The following RGS7 variants were observed in gnomAD, a reference collection of about 807,000 sequenced individuals.
RGS7 encodes regulator of G protein signaling 7, also known as regulator of G-protein signaling 7.
A neutral mutation model predicts 81.1 loss-of-function variants in RGS7; 27 were observed. That is an observed-to-expected ratio of 0.33 (90% confidence interval 0.25 to 0.46). The LOEUF (loss-of-function observed/expected upper bound fraction) is 0.46, where lower values mean the gene tolerates loss of function less well. Ranked by LOEUF, RGS7 falls within the 20% of genes least tolerant of loss-of-function variation. RGS7 has a pLI of 1.00. For synonymous variants in RGS7, 208 were observed against 207.7 expected (o/e 1.00, Z -0.01); for missense variants, 396 against 607.4 (o/e 0.65, Z 3.66).
rs188105394 is a variant in RGS7, at chr1:241,234,613, G to A, written c.78+121086C>T. On this transcript the variant is annotated intron_variant, in intron 2 of 18. Transcript: ENST00000440928. ...CACATGGGGCAAAGCAACAATAGGAGGGGAGCCTGGGTCTCCATATCCCAC... is the reference window on the plus strand; with the variant it reads ...CACATGGGGCAAAGCAACAATAGGAAGGGAGCCTGGGTCTCCATATCCCAC... Among the ~76,000 whole-genome samples the A allele has an allele frequency of 3.0e-3, 454 of 152,182 alleles. 6 individuals carry two copies. Among genetic ancestry groups the A allele is most frequent in the Middle Eastern group, 0.014 (4 of 294 alleles).
At chr1:240,903,191 T>C (rs897645810) in intron 6 of RGS7, among the ~76,000 whole-genome samples, 4 of 152,100 alleles carry the variant, frequency 2.6e-5, no homozygotes, top group African/African-American at 7.2e-5. Flanking sequence ...GAAACAAATA[T>C]ATCAAAGTAG....
chr1:241,042,998 A>T (rs2060706245), intron 3 of RGS7, among the ~76,000 whole-genome samples: 1 of 151,662 alleles, frequency 6.6e-6, no homozygotes, highest in South Asian at 2.1e-4. Flanking sequence ...TCCTAGTGTA[A>T]TTATTATTAC....
In RGS7 at chr1:240,993,234, GAGAAAGAAAGAGAGGAA is replaced by G. The variant is rs1686772911; in HGVS notation, c.176-10122_176-10106del. On this transcript the variant is annotated intron_variant, in intron 3 of 18. Transcript: ENST00000440928. Reference sequence around the variant, plus strand: ...AAAAGAAAGGAAGGAAGGAAAGAAGGAGAAAGAAAGAGAGGAAAGAAAGAAAGAAAGAAAAAGAAAGA... The same window carrying G: ...AAAAGAAAGGAAGGAAGGAAAGAAGGAGAAAGAAAGAAAGAAAAAGAAAGA... Among the ~76,000 whole-genome samples the G allele has an allele frequency of 2.0e-5, 3 of 149,048 alleles. No individual in the cohort carries two copies. The South Asian group carries it at 6.5e-4, about 32-fold the overall frequency.
At position 240,813,804 on chromosome 1, in the gene RGS7, T is replaced by TA. The variant is rs1309858707; in HGVS notation, c.846-77dup. On this transcript the variant is annotated intron_variant, in intron 12 of 18. Transcript: ENST00000440928. ...AGCCAGTCCAAAGCAGGGAAAACAA[T>TA]ATAAAAATGTGGGACCAAGGAATCC... 109 of 913,124 alleles carry TA rather than the reference T, an allele frequency of 1.2e-4. No individual in the cohort carries two copies. In the African/African-American group the frequency reaches 1.7e-3, roughly 14 times the overall value. 56.6% of individuals were successfully genotyped at this position (913,124 alleles called of 1,614,324 possible). A position where few individuals can be genotyped will look rare whatever the true frequency, so the allele number is the denominator to read the frequency against.
Position 241,163,165 on chromosome 1 carries a change from G to C in RGS7, c.79-64403C>G, listed in dbSNP as rs1043356899. Among the ~76,000 whole-genome samples, 2 of 152,128 alleles carry C rather than the reference G, an allele frequency of 1.3e-5. No homozygotes were observed. The highest frequency in any genetic ancestry group is 2.4e-5 in the African/African-American group (1 of 41,424). ...AAAAGGTCAGAAAGGGGGTTCATTC[G>C]AGGGAGCCAGGAAACGGGGCCTGAA... On this transcript the variant is annotated intron_variant, in intron 2 of 18. Transcript: ENST00000440928. The surrounding 1 kb of genome is among the most constrained non-coding windows in gnomAD (Gnocchi z 4.6).
rs190305774 is a variant in RGS7 at position 241,284,963 on chromosome 1, C to T, written c.78+70736G>A. On this transcript the variant is annotated intron_variant, in intron 2 of 18. Transcript: ENST00000440928. ...TCAGCTCAGTGCAAGCTCCGCCTCC[C>T]GGGTTCACATCATTCTCCTGCCTCA... 1.7e-4 allele frequency among the ~76,000 whole-genome samples: 26 copies of T among 152,220 alleles called. No individual in the cohort carries two copies. In the East Asian group the frequency reaches 1.9e-3, roughly 11 times the overall value.
chr1:241,271,884 C>CGTGTGT lies in RGS7; in HGVS notation c.78+83809_78+83814dup, dbSNP rs373357799. ...AATCACACAAGCCAAATCTTTATAA[C>CGTGTGT]GTGTGTGTGTGTGTGTGTGTGTGTG... On this transcript the variant is annotated intron_variant, in intron 2 of 18. Coordinates refer to ENST00000440928, the MANE Select transcript of RGS7 (RefSeq NM_001364886.1). This position sits in a 1 kb window ranked among gnomAD's most constrained non-coding sequence, Gnocchi z 4.6. Among the ~76,000 whole-genome samples, 112 of 140,470 alleles carry CGTGTGT rather than the reference C, an allele frequency of 8.0e-4. No individual in the cohort carries two copies. The highest frequency in any genetic ancestry group is 1.6e-3 in the African/African-American group (59 of 37,078). The allele number at this position is 140,470 out of a possible 152,430, so 92.2% of individuals were successfully genotyped here. A position where few individuals can be genotyped will look rare whatever the true frequency, so the allele number is the denominator to read the frequency against.
intron 10 of RGS7, among the ~76,000 whole-genome samples, chr1:240,826,094 T>G (rs556925167): frequency 6.6e-6 from 1 of 152,192 alleles, no homozygotes; most frequent in Non-Finnish European, 1.5e-5. Context: ...GCAATTAAGT[T>G]GGGCCAGCCA....
rs377714550 is a variant in RGS7 at position 240,922,734 on chromosome 1, T to G, written c.385+7983A>C. Among the ~76,000 whole-genome samples, 22 of 152,244 alleles carry G rather than the reference T, an allele frequency of 1.4e-4. 1 individual carries two copies. Among genetic ancestry groups the G allele is most frequent in the South Asian group, 8.3e-4 (4 of 4,832 alleles). On this transcript the variant is annotated intron_variant, in intron 6 of 18. Transcript: ENST00000440928. ...AAAACACTAAATGCTGGTAAGGATG[T>G]GGAGCAACAGGAACTTGCATTCATT...
intron 7 of RGS7, 83 bp downstream of exon 7, chr1:240,869,972 T>A: frequency 9.0e-7 from 1 of 1,113,252 alleles, no homozygotes; most frequent in Non-Finnish European, 1.4e-6. Flanking sequence ...GAATGAAGAG[T>A]TAACATCCTG....
chr1:241,098,649 G>A lies in RGS7; in HGVS notation c.175+17C>T. 1.9e-6 allele frequency: 3 copies of A among 1,545,296 alleles called. No individual in the cohort carries two copies. In the East Asian group the frequency reaches 6.7e-5, roughly 35 times the overall value. ...GAGGTACAGGAGAAAACAGAACTGT[G>A]CTCCATGCAGACTTACCAGAGAAGA... On this transcript the variant is annotated intron_variant, in intron 3 of 18. Transcript: ENST00000440928.
At chr1:241,249,101 G>T (rs1235289729) in intron 2 of RGS7, among the ~76,000 whole-genome samples, 1 of 152,120 alleles carries the variant, frequency 6.6e-6, no homozygotes, top group Non-Finnish European at 1.5e-5. Flanking sequence ...CTTCCACAGA[G>T]CAAAAGTTTC....
At chr1:241,277,638 G>A (rs566950740) in intron 2 of RGS7, among the ~76,000 whole-genome samples, 1 of 149,246 alleles carries the variant, frequency 6.7e-6, no homozygotes, top group South Asian at 2.1e-4. Context: ...AAAAAATCAA[G>A]CATGCACTTT....
chr1:241,153,531 T>A (rs539314446), intron 2 of RGS7, among the ~76,000 whole-genome samples: 2 of 152,274 alleles, frequency 1.3e-5, no homozygotes, highest in Admixed American at 1.3e-4. Context: ...AAATACTCTG[T>A]GCTGCTCCTC....
chr1:241,287,523 G>A (rs1194259616), intron 2 of RGS7, among the ~76,000 whole-genome samples: 4 of 152,176 alleles, frequency 2.6e-5, no homozygotes, highest in Admixed American at 6.5e-5. Flanking sequence ...GGAACTGTGA[G>A]TCAATTAAAC....
intron 3 of RGS7, among the ~76,000 whole-genome samples, chr1:241,072,830 T>C (rs893752096): frequency 7.9e-5 from 12 of 152,214 alleles, no homozygotes; most frequent in African/African-American, 2.2e-4. Flanking sequence ...TTCAGTAATA[T>C]AGGCATGTAT....
intron 18 of RGS7, among the ~76,000 whole-genome samples, chr1:240,789,010 T>C (rs1057105495): frequency 1.3e-5 from 2 of 152,092 alleles, no homozygotes; most frequent in Non-Finnish European, 2.9e-5. Context: ...TGGTGGCGCA[T>C]TGTTGTGGGA....
At chr1:241,249,961 TA>T (rs2076749414) in intron 2 of RGS7, among the ~76,000 whole-genome samples, 1 of 152,200 alleles carries the variant, frequency 6.6e-6, no homozygotes, top group Admixed American at 6.5e-5. Context: ...TATATAGTAT[TA>T]TCCTATCAAT....
chr1:241,105,195 T>C (rs181469216), intron 2 of RGS7, among the ~76,000 whole-genome samples: 67 of 152,350 alleles, frequency 4.4e-4, no homozygotes, highest in Non-Finnish European at 2.1e-4. Flanking sequence ...AATGCAGAGA[T>C]ACTTCAGCTT....
Sources: allele counts gnomAD v4.1 joint callset (sites outside exome capture counted in the v4.1 genomes callset), GRCh38; gene constraint gnomAD v4.1.1; non-coding constraint Gnocchi (gnomAD v3.1); transcripts MANE v1.5; gene names NCBI Gene and HGNC (gene_info 2026-07-23, HGNC 2026-07-21).